Variants in COL18A1 observed in about 807,000 individuals in gnomAD.
COL18A1 encodes collagen alpha-1(XVIII) chain.
In COL18A1, 133 loss-of-function variants were observed where a neutral mutation model predicts 168.0. The ratio of observed to expected loss-of-function variants is 0.79; its 90% CI spans 0.69 to 0.91. The LOEUF (loss-of-function observed/expected upper bound fraction) is 0.91, where lower values mean the gene tolerates loss of function less well. Among genes scored for constraint, COL18A1 ranks in the 40% least tolerant of loss-of-function variants. COL18A1 has a pLI of 0.00. For synonymous variants in COL18A1, 949 were observed against 809.0 expected (o/e 1.17, Z -2.94); for missense variants, 2,126 against 1,925.4 (o/e 1.10, Z -1.95).
rs1270600632 is a variant in COL18A1, at chr21:45,438,206, GCACA to G, written c.107-30028_107-30025del. On this transcript the variant is annotated intron_variant, in intron 2 of 41. Coordinates refer to ENST00000651438, the MANE Select transcript of COL18A1 (RefSeq NM_001379500.1). ...CACTCAGACACACAGGCACTCTCCTGCACACACACACTCACACACTCAGACACAC... is the reference window on the plus strand; with the variant it reads ...CACTCAGACACACAGGCACTCTCCTGCACACACTCACACACTCAGACACAC... Among the ~76,000 whole-genome samples, 41 of 93,128 alleles carry G rather than the reference GCACA, an allele frequency of 4.4e-4. 1 individual carries two copies. Among genetic ancestry groups the G allele is most frequent in the Non-Finnish European group, 6.5e-4 (32 of 49,284 alleles). 61.1% of individuals were successfully genotyped at this position (93,128 alleles called of 152,430 possible).
rs1004485966 is a variant in COL18A1, at chr21:45,486,941, A to G, written c.1782A>G (p.Pro594=). ...GAGCCCCCGGACCTGCTGGACCACC[A>G]GGCCCCCCTGGGCCCCCTGGGCCCC... ...LAGAPGPAGP[P]GPPGPPGPPG... Residue 594 remains proline, a synonymous_variant, in exon 16 of 42, where the codon CCA becomes CCG. Coordinates refer to ENST00000651438, the MANE Select transcript of COL18A1 (RefSeq NM_001379500.1). 2 of 1,501,934 alleles carry G rather than the reference A, an allele frequency of 1.3e-6. No individual in the cohort carries two copies. Among genetic ancestry groups the G allele is most frequent in the Non-Finnish European group, 1.8e-6 (2 of 1,126,872 alleles). The allele number at this position is 1,501,934 out of a possible 1,614,324, so 93.0% of individuals were successfully genotyped here.
chr21:45,485,553 C>T (rs1011990892), intron 15 of COL18A1, among the ~76,000 whole-genome samples: 27 of 152,180 alleles, frequency 1.8e-4, no homozygotes, highest in African/African-American at 5.3e-4. Flanking sequence ...GGCACTAAGA[C>T]AGATTAAAGC....
At chr21:45,505,671 C>T (rs28547269) in intron 36 of COL18A1, among the ~76,000 whole-genome samples, 167 bp from the exon 37 acceptor site, 1 of 151,928 alleles carries the variant, frequency 6.6e-6, no homozygotes, top group Admixed American at 6.6e-5. Context: ...CAGGAGCTGG[C>T]GGCAGGCAGG....
At chr21:45,462,491 C>G (rs976939803) in intron 2 of COL18A1, among the ~76,000 whole-genome samples, 3 of 152,202 alleles carry the variant, frequency 2.0e-5, no homozygotes, top group Non-Finnish European at 4.4e-5. Flanking sequence ...ATCTTATCTT[C>G]AAGCTCATTA....
chr21:45,494,314 C>G (rs2036458798), intron 26 of COL18A1: 4 of 621,680 alleles, frequency 6.4e-6, no homozygotes, highest in Middle Eastern at 4.4e-4. Flanking sequence ...AACCTGGACG[C>G]AAACCCCAAA....
intron 29 of COL18A1, chr21:45,495,835 A>G (rs1602557159): frequency 3.0e-6 from 1 of 330,632 alleles, no homozygotes; most frequent in South Asian, 2.5e-5. Context: ...ACACCCATAC[A>G]GGTATATACA....
rs189829184 is a variant in COL18A1 at position 45,495,284 on chromosome 21, G to A, written c.2434-74G>A. The A allele has an allele frequency of 3.3e-5, 43 of 1,320,984 alleles. No homozygotes were observed. In the East Asian group the frequency reaches 5.5e-4, roughly 17 times the overall value. The allele number at this position is 1,320,984 out of a possible 1,614,324, so 81.8% of individuals were successfully genotyped here. A position where few individuals can be genotyped will look rare whatever the true frequency, so the allele number is the denominator to read the frequency against. ...CGGCCGGGCCTGGCGTGGGGCTAAC[G>A]GCAGGCACCCTGCGGGAAGGTGTCT... On this transcript the variant is annotated intron_variant, in intron 28 of 41. Coordinates refer to ENST00000651438, the MANE Select transcript of COL18A1 (RefSeq NM_001379500.1).
At chr21:45,493,338 C>A in intron 25 of COL18A1, 113 bp downstream of exon 25, 1 of 1,332,628 alleles carries the variant, frequency 7.5e-7, no homozygotes, top group Non-Finnish European at 1.1e-6. Flanking sequence ...GCTGCTGTGA[C>A]ACGTGAGGGG....
At chr21:45,506,087 T>C (rs1277826326) in intron 37 of COL18A1, 121 bp downstream of exon 37, 2 of 1,478,220 alleles carry the variant, frequency 1.4e-6, no homozygotes, top group Non-Finnish European at 1.9e-6. Context: ...AGCCAGCGCT[T>C]CTTAAACTTT....
intron 2 of COL18A1, among the ~76,000 whole-genome samples, chr21:45,428,916 T>TA (rs564324544): frequency 6.8e-6 from 1 of 146,622 alleles, no homozygotes; most frequent in African/African-American, 2.5e-5. Flanking sequence ...TTTTTTTTTT[T>TA]AATTTGAGAC....
chr21:45,413,618 T>G (rs1012236991), intron 2 of COL18A1, among the ~76,000 whole-genome samples: 23 of 152,194 alleles, frequency 1.5e-4, no homozygotes, highest in African/African-American at 5.5e-4. Context: ...GAACATCCGC[T>G]TCCTTTCTGT....
chr21:45,498,128 C>G lies in COL18A1; in HGVS notation c.2683+467C>G. ...CTCCCCCAAAGGACAAGAATTCCCC[C>G]CTGAGCCCCACCTCCATTGAGGGTG... On this transcript the variant is annotated intron_variant, in intron 32 of 41. Coordinates refer to ENST00000651438, the MANE Select transcript of COL18A1 (RefSeq NM_001379500.1). This position sits in a 1 kb window ranked among gnomAD's most constrained non-coding sequence, Gnocchi z 4.5. The G allele has an allele frequency of 1.6e-6, 1 of 637,744 alleles. No homozygotes were observed. The highest frequency in any genetic ancestry group is 2.8e-6 in the Non-Finnish European group (1 of 353,998). The allele number at this position is 637,744 out of a possible 1,614,324, so 39.5% of individuals were successfully genotyped here.
chr21:45,490,779 G>C (rs898239089), intron 20 of COL18A1, 57 bp from the exon 21 acceptor site: 61 of 1,525,044 alleles, frequency 4.0e-5, no homozygotes, highest in African/African-American at 6.9e-5. Flanking sequence ...TCCCTCACGG[G>C]GGGCCAGGGG....
chr21:45,478,365 T>C lies in COL18A1; in HGVS notation c.1248+12T>C. ...AAGACGGAAAGCCGGTGAGTCTGCTTTTCTTTCTGACCCCTGTGTTATCTG... is the reference window on the plus strand; with the variant it reads ...AAGACGGAAAGCCGGTGAGTCTGCTCTTCTTTCTGACCCCTGTGTTATCTG... On this transcript the variant is annotated intron_variant, in intron 9 of 41. Transcript: ENST00000651438. The C allele has an allele frequency of 1.2e-6, 2 of 1,614,140 alleles. No individual in the cohort carries two copies. The highest frequency in any genetic ancestry group is 1.7e-6 in the Non-Finnish European group (2 of 1,180,036).
chr21:45,461,107 G>A (rs1037287563), intron 2 of COL18A1, among the ~76,000 whole-genome samples: 5 of 152,118 alleles, frequency 3.3e-5, no homozygotes, highest in East Asian at 1.9e-4. Context: ...TGCCATATGC[G>A]ATACAGTATT....
At chr21:45,478,199 A>AGGAC (rs2035751156) in intron 8 of COL18A1, 128 bp from the exon 9 acceptor site, 1 of 1,256,576 alleles carries the variant, frequency 8.0e-7, no homozygotes, top group Admixed American at 1.8e-5. Flanking sequence ...CGCGGGTGCG[A>AGGAC]GGACATCGGG....
Position 45,491,253 on chromosome 21 carries a change from A to C in COL18A1, c.2096A>C (p.Gln699Pro). 1 of 1,612,430 alleles carries C rather than the reference A, an allele frequency of 6.2e-7. No homozygotes were observed. The highest frequency in any genetic ancestry group is 8.5e-7 in the Non-Finnish European group (1 of 1,179,724). Residue 699 changes from glutamine to proline, a missense_variant, in exon 22 of 42, where the codon CAG becomes CCG. Transcript: ENST00000651438. Reference sequence around the variant, plus strand: ...GATCCAGGGAAGGACGGAGTCGGGCAGCCGGGCCTCCCTGGCCCCCCCGGA... The same window carrying C: ...GATCCAGGGAAGGACGGAGTCGGGCCGCCGGGCCTCCCTGGCCCCCCCGGA... Reference protein sequence around the residue: ...KGDPGKDGVGQPGLPGPPGPP... With the variant: ...KGDPGKDGVGPPGLPGPPGPP...
At chr21:45,431,012 G>C (rs1193372276) in intron 2 of COL18A1, among the ~76,000 whole-genome samples, 1 of 152,256 alleles carries the variant, frequency 6.6e-6, no homozygotes, top group African/African-American at 2.4e-5. Context: ...GTTGACGGGC[G>C]GGCCGAGCAG....
chr21:45,480,259 TG>T, intron 11 of COL18A1, 103 bp downstream of exon 11: 1 of 1,127,744 alleles, frequency 8.9e-7, no homozygotes, highest in Non-Finnish European at 1.3e-6. Flanking sequence ...GGGGCTTGCG[TG>T]GGGTCTTGGC....
Sources: allele counts gnomAD v4.1 joint callset (sites outside exome capture counted in the v4.1 genomes callset), GRCh38; gene constraint gnomAD v4.1.1; non-coding constraint Gnocchi (gnomAD v3.1); transcripts MANE v1.5; gene names NCBI Gene and HGNC (gene_info 2026-07-23, HGNC 2026-07-21).